Variants in TENM2 observed in about 807,000 individuals in gnomAD.
TENM2 encodes teneurin transmembrane protein 2.
In TENM2, 52 loss-of-function variants were observed where a neutral mutation model predicts 245.2. The observed-to-expected ratio is 0.21, with a 90% CI of 0.17 to 0.27. TENM2 has a LOEUF of 0.27. TENM2 is among the 10% of genes least tolerant of loss of function. TENM2 has a pLI of 1.00. For missense variants in TENM2, 3,046 were observed against 3,666.8 expected (o/e 0.83, Z 4.37); for synonymous variants, 1,363 against 1,438.9 (o/e 0.95, Z 1.19).
At chr5:167,365,465 T>C (rs1759991904) in intron 1 of TENM2, among the ~76,000 whole-genome samples, 1 of 150,154 alleles carries the variant, frequency 6.7e-6, no homozygotes. Context: ...ATACAATAAA[T>C]TAAAGCCAAC....
At chr5:167,767,895 C>T (rs780635026) in intron 2 of TENM2, among the ~76,000 whole-genome samples, 13 of 152,112 alleles carry the variant, frequency 8.5e-5, no homozygotes, top group Non-Finnish European at 1.6e-4. Flanking sequence ...ACAAGGAGAG[C>T]TTTATTTTTA....
At chr5:167,019,194 TG>T in the TENM2 span, among the ~76,000 whole-genome samples, 1 of 152,100 alleles carries the variant, frequency 6.6e-6, no homozygotes, top group African/African-American at 2.4e-5. Context: ...CACTTGCAGT[TG>T]GGGGGAGGCT....
the TENM2 span, among the ~76,000 whole-genome samples, chr5:167,015,761 C>T: frequency 5.3e-5 from 8 of 152,110 alleles, no homozygotes; most frequent in Admixed American, 2.0e-4. Context: ...TCTACAAGAT[C>T]AAGATATATT....
chr5:167,128,425 A>C, the TENM2 span, among the ~76,000 whole-genome samples: 1 of 151,982 alleles, frequency 6.6e-6, no homozygotes, highest in African/African-American at 2.4e-5. Context: ...TAAAACTCAG[A>C]CGGCTGATTC....
chr5:167,737,704 G>T (rs1760898647), intron 2 of TENM2, among the ~76,000 whole-genome samples: 1 of 152,140 alleles, frequency 6.6e-6, no homozygotes, highest in Non-Finnish European at 1.5e-5. Context: ...AGGAATTCAG[G>T]GATGTTCAGG....
chr5:167,973,602 T>C (rs1487526178), intron 4 of TENM2, among the ~76,000 whole-genome samples: 3 of 152,138 alleles, frequency 2.0e-5, no homozygotes, highest in African/African-American at 7.2e-5. Context: ...GCATCCAACC[T>C]ACCTGGTCAG....
At chr5:167,350,758 A>C in intron 1 of TENM2, among the ~76,000 whole-genome samples, 1 of 144,476 alleles carries the variant, frequency 6.9e-6, no homozygotes, top group Non-Finnish European at 1.5e-5. Flanking sequence ...GGATATATAC[A>C]TATGGATATA....
chr5:167,529,369 C>A (rs931367536), intron 2 of TENM2, among the ~76,000 whole-genome samples: 1 of 152,130 alleles, frequency 6.6e-6, no homozygotes, highest in Non-Finnish European at 1.5e-5. Context: ...GGTGTGATCT[C>A]CTGGAGTTAC....
At chr5:167,547,403 C>G (rs1772635991) in intron 2 of TENM2, among the ~76,000 whole-genome samples, 1 of 152,192 alleles carries the variant, frequency 6.6e-6, no homozygotes, top group Non-Finnish European at 1.5e-5. Context: ...GGTATTTGCT[C>G]TGCAGGATCC....
chr5:167,238,792 G>A, the TENM2 span, among the ~76,000 whole-genome samples: 1 of 151,352 alleles, frequency 6.6e-6, no homozygotes, highest in East Asian at 1.9e-4. Flanking sequence ...GTAAGAAATA[G>A]TCAATTTGTA....
chr5:167,010,732 A>C, the TENM2 span, among the ~76,000 whole-genome samples: 1 of 152,216 alleles, frequency 6.6e-6, no homozygotes, highest in Non-Finnish European at 1.5e-5. Flanking sequence ...AGATGAGAAC[A>C]AAAATTTTAA....
the TENM2 span, among the ~76,000 whole-genome samples, chr5:167,197,197 C>T: frequency 6.6e-6 from 1 of 152,086 alleles, no homozygotes; most frequent in South Asian, 2.1e-4. Flanking sequence ...ATTAAGTAAC[C>T]TAACAGGGAC....
intron 1 of TENM2, among the ~76,000 whole-genome samples, chr5:167,337,929 A>G (rs1757876353): frequency 1.3e-5 from 2 of 152,204 alleles, no homozygotes; most frequent in African/African-American, 2.4e-5. Flanking sequence ...ATACTTTGCA[A>G]TAGTGTTAAA....
the TENM2 span, among the ~76,000 whole-genome samples, chr5:167,068,190 G>A: frequency 6.6e-6 from 1 of 152,188 alleles, no homozygotes; most frequent in East Asian, 1.9e-4. Flanking sequence ...AAGTTTAATA[G>A]TAGATGGCAA....
chr5:167,741,282 G>A (rs60893801), intron 2 of TENM2, among the ~76,000 whole-genome samples: 5,078 of 152,196 alleles, frequency 0.033, 287 homozygotes, highest in East Asian at 0.22. Flanking sequence ...ATCCTTAACT[G>A]TGCCTGTCCC....
chr5:167,626,564 G>A (rs886074154), intron 2 of TENM2, among the ~76,000 whole-genome samples: 1 of 152,114 alleles, frequency 6.6e-6, no homozygotes, highest in Non-Finnish European at 1.5e-5. Context: ...ACATTTCTGG[G>A]CACTAGCCCA....
intron 1 of TENM2, among the ~76,000 whole-genome samples, chr5:167,338,241 G>A (rs537212307): frequency 3.9e-5 from 6 of 152,008 alleles, no homozygotes; most frequent in Non-Finnish European, 7.4e-5. Context: ...AGGACTAAAG[G>A]GTTTTTGTTT....
chr5:167,215,755 T>C, the TENM2 span, among the ~76,000 whole-genome samples: 1 of 152,224 alleles, frequency 6.6e-6, no homozygotes, highest in Non-Finnish European at 1.5e-5. Context: ...AAAGATAAGC[T>C]AATATTTTCA....
At chr5:167,972,242 A>G (rs946791005) in intron 4 of TENM2, among the ~76,000 whole-genome samples, 3 of 152,156 alleles carry the variant, frequency 2.0e-5, no homozygotes, top group African/African-American at 7.2e-5. Flanking sequence ...TTGAAGGTTG[A>G]TTATTTTAGG....
Sources: allele counts gnomAD v4.1 joint callset (sites outside exome capture counted in the v4.1 genomes callset), GRCh38; gene constraint gnomAD v4.1.1; transcripts MANE v1.5; gene names NCBI Gene and HGNC (gene_info 2026-07-23, HGNC 2026-07-21).